SVIL: variants seen among roughly 807,000 people sequenced by gnomAD.
SVIL encodes archvillin.
SVIL carries 101 observed loss-of-function variants against 240.4 expected under a neutral mutation model. The observed-to-expected ratio is 0.42, with a 90% CI of 0.36 to 0.50. The LOEUF (loss-of-function observed/expected upper bound fraction) is 0.50. SVIL is among the 20% of genes least tolerant of loss of function. SVIL has a pLI of 0.01. For synonymous variants in SVIL, 999 were observed against 1,100.0 expected, an observed-to-expected ratio of 0.91 and a Z score of 1.82; for missense variants, 2,512 against 2,818.7, an observed-to-expected ratio of 0.89 and a Z score of 2.46.
At position 29,486,559 on chromosome 10, in the gene SVIL, TAA is replaced by T; in HGVS notation, c.4486-4_4486-3del. On this transcript the variant is annotated splice_region_variant and splice_polypyrimidine_tract_variant and intron_variant, in intron 24 of 37. Coordinates refer to ENST00000355867, the MANE Select transcript of SVIL (RefSeq NM_021738.3). ...AATTAAAGTTGCAAGTTCTGAGGCC[TAA>T]AAAAGAGAGGAACACAATTGCCTGG... 6.2e-7 allele frequency: 1 copy of T among 1,614,004 alleles called. No individual in the cohort carries two copies. The highest frequency in any genetic ancestry group is 8.5e-7 in the Non-Finnish European group (1 of 1,180,002).
At chr10:29,564,587 C>G (rs375780499) in intron 2 of SVIL, among the ~76,000 whole-genome samples, 2 of 152,108 alleles carry the variant, frequency 1.3e-5, no homozygotes, top group African/African-American at 4.8e-5. Context: ...GAAGCCACTG[C>G]GCATACTGTG....
chr10:29,731,074 T>C (rs1482173019), intron 1 of SVIL, among the ~76,000 whole-genome samples: 4 of 152,254 alleles, frequency 2.6e-5, no homozygotes, highest in African/African-American at 9.6e-5. Flanking sequence ...CCTCGATTCT[T>C]ACTGGCACAT....
At chr10:29,586,375 AGATTCACTAGT>A (rs1332604776) in intron 1 of SVIL, among the ~76,000 whole-genome samples, 115 of 152,298 alleles carry the variant, frequency 7.6e-4, no homozygotes, top group African/African-American at 2.7e-3. Flanking sequence ...TAGTGATCAC[AGATTCACTAGT>A]GATCACTAGT....
intron 30 of SVIL, among the ~76,000 whole-genome samples, chr10:29,472,398 G>T (rs965120765): frequency 6.6e-6 from 1 of 152,222 alleles, no homozygotes; most frequent in Non-Finnish European, 1.5e-5. Flanking sequence ...GGAAGGCTGG[G>T]TGAGTGTGGA....
At chr10:29,697,375 A>AG (rs1214255918) in intron 1 of SVIL, among the ~76,000 whole-genome samples, 1 of 87,328 alleles carries the variant, frequency 1.1e-5, no homozygotes, top group Non-Finnish European at 2.2e-5. Context: ...GGAATAGAAA[A>AG]GGGGGCAAGG....
intron 17 of SVIL, among the ~76,000 whole-genome samples, chr10:29,505,872 G>C (rs551837619): frequency 6.6e-6 from 1 of 152,016 alleles, no homozygotes; most frequent in Non-Finnish European, 1.5e-5. Flanking sequence ...GTCCCTCAGC[G>C]TCTATGGGGG....
intron 3 of SVIL, among the ~76,000 whole-genome samples, chr10:29,561,109 C>T (rs924054869): frequency 1.4e-5 from 2 of 148,116 alleles, no homozygotes; most frequent in African/African-American, 2.5e-5. Context: ...ATGCGAGCCA[C>T]CATGCCCAGC....
At chr10:29,613,970 G>T (rs780511067) in intron 1 of SVIL, among the ~76,000 whole-genome samples, 2 of 152,134 alleles carry the variant, frequency 1.3e-5, no homozygotes, top group Non-Finnish European at 2.9e-5. Flanking sequence ...TGTGGTCAAG[G>T]TTTCCTCGGT....
At chr10:29,652,743 T>C (rs1464502070) in intron 3 of SVIL, among the ~76,000 whole-genome samples, 1 of 152,236 alleles carries the variant, frequency 6.6e-6, no homozygotes, top group Non-Finnish European at 1.5e-5. Context: ...TTTGTGGGTA[T>C]GAAGTGTTTT....
chr10:29,554,864 T>G lies in SVIL; in HGVS notation c.79A>C (p.Thr27Pro). ...AGCAGGCGGTGAGTCACCAATCCTG[T>G]GCAGCTCTGCAAGAGGATGGGCTGA... ...DTQPILLQSCTGLVTHRLLEE... is the reference protein window; with the variant it reads ...DTQPILLQSCPGLVTHRLLEE... The change falls in exon 5 of 38, where the codon ACA (threonine) becomes CCA (proline). Residue 27 changes from threonine (T) to proline (P), a missense_variant. Thr to Pro is a conservative substitution (Grantham distance 38, BLOSUM62 -1). Around this residue, in one of 3 missense-constraint regions of SVIL, gnomAD observed 1,443 missense variants for 1,486.6 expected, o/e 0.97. Coordinates refer to ENST00000355867, the MANE Select transcript of SVIL (RefSeq NM_021738.3). The G allele has an allele frequency of 8.1e-6, 13 of 1,613,972 alleles. No homozygotes were observed. Among genetic ancestry groups the G allele is most frequent in the Non-Finnish European group, 1.1e-5 (13 of 1,179,946 alleles).
chr10:29,535,880 C>T, intron 7 of SVIL, 109 bp downstream of exon 7: 1 of 1,090,544 alleles, frequency 9.2e-7, no homozygotes, highest in Non-Finnish European at 1.4e-6. Flanking sequence ...TTTTCAAGTG[C>T]ACTGGTATTA....
chr10:29,508,371 C>T, intron 17 of SVIL: 2 of 1,289,262 alleles, frequency 1.6e-6, no homozygotes, highest in South Asian at 1.2e-5. Flanking sequence ...GCACTATCAT[C>T]CGCAACTCCT....
intron 1 of SVIL, among the ~76,000 whole-genome samples, chr10:29,588,361 C>T (rs1956253090): frequency 6.6e-6 from 1 of 151,792 alleles, no homozygotes; most frequent in Non-Finnish European, 1.5e-5. Context: ...TCACTCTGCC[C>T]TTTGTGCCGG....
chr10:29,564,055 C>T (rs940381549), intron 2 of SVIL, among the ~76,000 whole-genome samples: 12 of 152,094 alleles, frequency 7.9e-5, no homozygotes, highest in Admixed American at 5.2e-4. Context: ...CCTCTTGCCC[C>T]GCCCACCCAG....
chr10:29,533,065 T>C lies in SVIL; in HGVS notation c.1302A>G (p.Gly434=). 6.2e-7 allele frequency: 1 copy of C among 1,614,042 alleles called. No homozygotes were observed. Residue 434 remains glycine, a synonymous_variant, in exon 8 of 38, where the codon GGA becomes GGG. Transcript: ENST00000355867. ...CATCTTCTTCTTTTTCTTCTCCTTC[T>C]CCTTCCCCTTCTTCTTCTTCTGCTT... ...ESKAEEEEGE[G]EGEEKEEDVC...
At chr10:29,725,985 A>C (rs899793264) in intron 1 of SVIL, among the ~76,000 whole-genome samples, 3 of 152,170 alleles carry the variant, frequency 2.0e-5, no homozygotes, top group African/African-American at 7.2e-5. Context: ...GCAGTGGTGC[A>C]ATCATAGCTC....
chr10:29,554,271 T>C (rs561975142), intron 5 of SVIL, among the ~76,000 whole-genome samples: 4 of 151,816 alleles, frequency 2.6e-5, no homozygotes, highest in South Asian at 4.2e-4. Context: ...ATCAGGCCAC[T>C]GCACTCCAGC....
chr10:29,489,456 G>GA (rs2132392633), intron 22 of SVIL, among the ~76,000 whole-genome samples: 1 of 152,324 alleles, frequency 6.6e-6, no homozygotes, highest in South Asian at 2.1e-4. Flanking sequence ...ATGCTAGAGA[G>GA]AAATTCAGAA....
chr10:29,614,649 C>T (rs571687097), intron 1 of SVIL, among the ~76,000 whole-genome samples: 7 of 152,096 alleles, frequency 4.6e-5, no homozygotes, highest in African/African-American at 9.6e-5. Flanking sequence ...CATCATACAC[C>T]GGGGCCTGTC....
Sources: allele counts gnomAD v4.1 joint callset (sites outside exome capture counted in the v4.1 genomes callset), GRCh38; gene constraint gnomAD v4.1.1; regional missense constraint gnomAD v4.1.1; transcripts MANE v1.5; gene names NCBI Gene and HGNC (gene_info 2026-07-23, HGNC 2026-07-21).